USP8: variants seen among roughly 807,000 people sequenced by gnomAD.
The protein encoded by USP8 is ubiquitin specific peptidase 8, also known as ubiquitin carboxyl-terminal hydrolase 8.
In USP8, 27 loss-of-function variants were observed where a neutral mutation model predicts 130.0. That is an observed-to-expected ratio of 0.21 (90% CI 0.15 to 0.29). USP8 has a LOEUF of 0.29. USP8 is among the 10% of genes least tolerant of loss of function. USP8 has a pLI of 1.00. For missense variants in USP8, 1,029 were observed against 1,312.2 expected (o/e 0.78, Z 3.33); for synonymous variants, 392 against 444.1 (o/e 0.88, Z 1.48).
At chr15:50,457,994 A>C (rs2141276691) in intron 4 of USP8, among the ~76,000 whole-genome samples, 1 of 152,032 alleles carries the variant, frequency 6.6e-6, no homozygotes, top group East Asian at 1.9e-4. Context: ...TCAATTATTT[A>C]TTTTTTTCCT....
At chr15:50,424,591 A>G (rs1356949854) in intron 1 of USP8, 77 bp downstream of exon 1, 8 of 397,962 alleles carry the variant, frequency 2.0e-5, no homozygotes, top group Non-Finnish European at 3.1e-5. Context: ...CTTTCCTTCC[A>G]CCAGCTGCTG....
chr15:50,468,427 G>C (rs2051266589), intron 7 of USP8, among the ~76,000 whole-genome samples: 1 of 150,748 alleles, frequency 6.6e-6, no homozygotes, highest in East Asian at 1.9e-4. Flanking sequence ...ATTTTTAGTA[G>C]ACACAGGGTT....
rs1461730237 is a variant in USP8, at chr15:50,500,786, A to G, written c.*1698A>G. ...AAGCTATATCAGGCCTGGGTGACTG[A>G]ATTCTTGCAGAAAGCAGTGTAGTGG... is the stretch of plus-strand genomic sequence containing the variant. On this transcript the variant is annotated 3_prime_UTR_variant, in exon 20 of 20. Transcript: ENST00000307179. 3 of 1,590,366 alleles carry G rather than the reference A, an allele frequency of 1.9e-6. No homozygotes were observed. The highest frequency in any genetic ancestry group is 1.8e-5 in the Admixed American group (1 of 56,156).
At chr15:50,433,869 T>C (rs1165280328) in intron 1 of USP8, among the ~76,000 whole-genome samples, 1 of 152,208 alleles carries the variant, frequency 6.6e-6, no homozygotes, top group Non-Finnish European at 1.5e-5. Flanking sequence ...CCTCCCAAAG[T>C]GTTGGGATTA....
At chr15:50,490,140 C>A in intron 13 of USP8, 123 bp from the exon 14 acceptor site, 1 of 1,128,800 alleles carries the variant, frequency 8.9e-7, no homozygotes, top group Non-Finnish European at 1.3e-6. Flanking sequence ...AGTTTATCGC[C>A]ATTTTATTCG....
chr15:50,443,449 G>A (rs1234977601), intron 3 of USP8, among the ~76,000 whole-genome samples: 4 of 151,814 alleles, frequency 2.6e-5, no homozygotes, highest in African/African-American at 9.7e-5. Flanking sequence ...CTTCTCATTA[G>A]CAAAGTTATT....
intron 15 of USP8, chr15:50,493,496 T>A (rs958364703): frequency 2.3e-5 from 12 of 518,666 alleles, no homozygotes; most frequent in Middle Eastern, 3.2e-4. Context: ...CTCACACTGG[T>A]AATCCTAGCA....
rs553953771 is a variant in USP8, at chr15:50,504,863, T to C, written c.*5775T>C. The C allele has an allele frequency of 7.4e-4, 113 of 151,884 alleles. No individual in the cohort carries two copies. The highest frequency in any genetic ancestry group is 2.7e-3 in the African/African-American group (110 of 41,310). The allele number at this position is 151,884 out of a possible 1,614,324, so 9.4% of individuals were successfully genotyped here. The stretch of plus-strand genomic sequence containing the variant: ...TGGGCCTGGTGGCGTGCACCTGTAA[T>C]CCCAGCTACTTGAGAGGCTGAAGCA... On this transcript the variant is annotated 3_prime_UTR_variant, in exon 20 of 20. Coordinates refer to ENST00000307179, the MANE Select transcript of USP8 (RefSeq NM_005154.5).
At chr15:50,455,266 A>G (rs2050755541) in intron 4 of USP8, among the ~76,000 whole-genome samples, 1 of 150,966 alleles carries the variant, frequency 6.6e-6, no homozygotes, top group Non-Finnish European at 1.5e-5. Context: ...TTTTGTAGAG[A>G]CAGGGTTTCA....
intron 13 of USP8, 85 bp from the exon 14 acceptor site, chr15:50,490,178 G>A (rs1595981267): frequency 7.4e-7 from 1 of 1,350,610 alleles, no homozygotes. Flanking sequence ...AGTAAATTTA[G>A]CAGAATACTT....
intron 1 of USP8, 99 bp from the exon 2 acceptor site, chr15:50,438,910 G>A (rs534083567): frequency 2.0e-6 from 1 of 504,894 alleles, no homozygotes; most frequent in Non-Finnish European, 3.5e-6. Flanking sequence ...AATTAACCCT[G>A]TTAGCAAAGG....
At position 50,440,954 on chromosome 15, in the gene USP8, A is replaced by G. The variant is rs961299779; in HGVS notation, c.105-395A>G. Among the ~76,000 whole-genome samples, 81 of 151,896 alleles carry G rather than the reference A, an allele frequency of 5.3e-4. 1 individual carries two copies. The highest frequency in any genetic ancestry group is 1.9e-3 in the African/African-American group (78 of 41,420). The stretch of plus-strand genomic sequence containing the variant: ...GAGGCAGAGGTTGCAGTGAGCCAAG[A>G]TAGCCCATTGCACTCCAGCCTGGGC... On this transcript the variant is annotated intron_variant, in intron 2 of 19. Transcript: ENST00000307179.
intron 3 of USP8, among the ~76,000 whole-genome samples, chr15:50,441,969 C>CT (rs1011150634): frequency 0.043 from 3,476 of 81,216 alleles, 76 homozygotes; most frequent in African/African-American, 0.073. Flanking sequence ...CTCCCTAAAT[C>CT]TTTTTTTTTT....
chr15:50,493,913 C>A (rs1484835558), intron 15 of USP8, 157 bp from the exon 16 acceptor site: 4 of 912,288 alleles, frequency 4.4e-6, no homozygotes, highest in East Asian at 2.5e-5. Flanking sequence ...AAGTCAGATT[C>A]AGATGAGAAT....
At chr15:50,449,326 T>G in intron 3 of USP8, 74 bp from the exon 4 acceptor site, 4 of 922,622 alleles carry the variant, frequency 4.3e-6, no homozygotes, top group Non-Finnish European at 6.3e-6. Context: ...CACCATGATT[T>G]TAATGATTTT....
chr15:50,454,494 C>T (rs1161251931), intron 4 of USP8, among the ~76,000 whole-genome samples: 3 of 147,698 alleles, frequency 2.0e-5, no homozygotes, highest in Admixed American at 1.4e-4. Context: ...CTCTGTCTCA[C>T]CCAGGCTGGA....
rs998397177 is a variant in USP8 at position 50,481,745 on chromosome 15, A to G, written c.1483A>G (p.Arg495Gly). Residue 495 changes from arginine (R) to glycine (G), a missense_variant, in exon 11 of 20, where the codon AGG becomes GGG. Around this residue, in one of 4 missense-constraint regions of USP8, gnomAD observed 486 missense variants for 522.0 expected, o/e 0.93. Coordinates refer to ENST00000307179, the MANE Select transcript of USP8 (RefSeq NM_005154.5). ...GCAAGAGGAACAGAAAGAGAAACTG[A>G]GGAAGGAAGAACAAGAACAAAAAGC... ...RQQEEQKEKLRKEEQEQKAKK... is the reference protein window; with the variant it reads ...RQQEEQKEKLGKEEQEQKAKK... 3 of 1,602,082 alleles carry G rather than the reference A, an allele frequency of 1.9e-6. No individual in the cohort carries two copies. In the African/African-American group the frequency reaches 4.0e-5, roughly 22 times the overall value.
chr15:50,477,010 T>C lies in USP8; in HGVS notation c.994+17T>C. ...CTATCTCATGTATGTATGTGAAAATTTTTGTTTAAAATTGCTTTGGTAAAA... is the reference window on the plus strand; with the variant it reads ...CTATCTCATGTATGTATGTGAAAATCTTTGTTTAAAATTGCTTTGGTAAAA... On this transcript the variant is annotated intron_variant, in intron 9 of 19. Transcript: ENST00000307179. 2 of 1,593,164 alleles carry C rather than the reference T, an allele frequency of 1.3e-6. No individual in the cohort carries two copies. The highest frequency in any genetic ancestry group is 1.7e-6 in the Non-Finnish European group (2 of 1,175,768).
chr15:50,496,220 C>T (rs955841728), intron 17 of USP8, 136 bp downstream of exon 17: 46 of 673,658 alleles, frequency 6.8e-5, no homozygotes, highest in Non-Finnish European at 1.0e-4. Flanking sequence ...GTGGCTCATA[C>T]CTTGTACTCC....
Sources: allele counts gnomAD v4.1 joint callset (sites outside exome capture counted in the v4.1 genomes callset), GRCh38; gene constraint gnomAD v4.1.1; regional missense constraint gnomAD v4.1.1; transcripts MANE v1.5; gene names NCBI Gene and HGNC (gene_info 2026-07-23, HGNC 2026-07-21).